Variants in PDIA5 observed in about 807,000 individuals in gnomAD.
PDIA5 encodes protein disulfide-isomerase A5.
Under a neutral mutation model 77.6 loss-of-function variants are expected in PDIA5, and 58 were observed. That is an observed-to-expected ratio of 0.75 (90% CI 0.61 to 0.93). The LOEUF is 0.93. Ranked by LOEUF, PDIA5 falls within the 40% of genes least tolerant of loss-of-function variation. The pLI, the probability that PDIA5 is intolerant of heterozygous loss-of-function variation, is 0.00. For missense variants in PDIA5, 630 were observed against 647.7 expected, an observed-to-expected ratio of 0.97 and a Z score of 0.30; for synonymous variants, 250 against 252.1, an observed-to-expected ratio of 0.99 and a Z score of 0.08.
intron 14 of PDIA5, among the ~76,000 whole-genome samples, chr3:123,153,511 A>G (rs1935958275): frequency 6.6e-6 from 1 of 152,208 alleles, no homozygotes; most frequent in Non-Finnish European, 1.5e-5. Context: ...ATTTTAGGCT[A>G]TTAAAAAATC....
intron 14 of PDIA5, among the ~76,000 whole-genome samples, chr3:123,150,700 C>T (rs1935873007): frequency 6.6e-6 from 1 of 151,870 alleles, no homozygotes. Flanking sequence ...CTCAGCTGTC[C>T]CCGCCCCCTC....
chr3:123,138,628 A>G (rs1371943906), intron 11 of PDIA5, among the ~76,000 whole-genome samples: 3 of 152,236 alleles, frequency 2.0e-5, no homozygotes, highest in African/African-American at 7.2e-5. Flanking sequence ...AAGAGGGGTC[A>G]TGTGATGAAT....
intron 13 of PDIA5, 60 bp downstream of exon 13, chr3:123,146,319 C>A: frequency 7.0e-7 from 1 of 1,422,978 alleles, no homozygotes; most frequent in Non-Finnish European, 9.8e-7. Flanking sequence ...CTGGAGACCA[C>A]CTTGAGGAGG....
chr3:123,151,288 T>C (rs1935887520), intron 14 of PDIA5, among the ~76,000 whole-genome samples: 1 of 152,250 alleles, frequency 6.6e-6, no homozygotes, highest in Non-Finnish European at 1.5e-5. Context: ...CTTCCGGCTG[T>C]CCTCTTCGGT....
chr3:123,105,656 G>A (rs189797507), intron 5 of PDIA5, among the ~76,000 whole-genome samples: 4 of 152,010 alleles, frequency 2.6e-5, no homozygotes, highest in Non-Finnish European at 4.4e-5. Flanking sequence ...GGTCCTCTCC[G>A]TGTGTGACCA....
At position 123,130,627 on chromosome 3, in the gene PDIA5, C is replaced by G. The variant is rs878956054; in HGVS notation, c.910+11C>G. On this transcript the variant is annotated intron_variant, in intron 11 of 16. Coordinates refer to ENST00000316218, the MANE Select transcript of PDIA5 (RefSeq NM_006810.4). ...TGTTCCACGCCCCATGTGAGTGGAA[C>G]TTTGCTCCTCCCCCTCCACACCCTC... The G allele has an allele frequency of 1.2e-6, 2 of 1,613,686 alleles. No individual in the cohort carries two copies. The highest frequency in any genetic ancestry group is 1.3e-5 in the African/African-American group (1 of 74,922).
intron 1 of PDIA5, among the ~76,000 whole-genome samples, chr3:123,078,786 T>C (rs150254207): frequency 1.3e-5 from 2 of 152,366 alleles, no homozygotes; most frequent in African/African-American, 4.8e-5. Flanking sequence ...TTTTGTGACC[T>C]TGACATTTTT....
At position 123,133,499 on chromosome 3, in the gene PDIA5, G is replaced by A. The variant is rs116620301; in HGVS notation, c.910+2883G>A. ...GGATTGCTGAGCTTGATGAATTAGC[G>A]TGTCTTTCTTTTATCAAGACATTTG... On this transcript the variant is annotated intron_variant, in intron 11 of 16. Transcript: ENST00000316218. Among the ~76,000 whole-genome samples, 640 of 152,330 alleles carry A rather than the reference G, an allele frequency of 4.2e-3. 7 individuals carry two copies. Among genetic ancestry groups the A allele is most frequent in the African/African-American group, 0.014 (564 of 41,570 alleles).
At chr3:123,075,814 G>A (rs1193908910) in intron 1 of PDIA5, among the ~76,000 whole-genome samples, 4 of 148,992 alleles carry the variant, frequency 2.7e-5, no homozygotes, top group African/African-American at 9.7e-5. Context: ...CCAGGAATCT[G>A]TATTCCCAGA....
At chr3:123,074,955 G>A (rs954908059) in intron 1 of PDIA5, among the ~76,000 whole-genome samples, 3 of 152,312 alleles carry the variant, frequency 2.0e-5, no homozygotes, top group African/African-American at 4.8e-5. Flanking sequence ...TCTAGGGGAT[G>A]TAACTCTGTT....
chr3:123,124,936 A>G (rs1935207122), intron 10 of PDIA5, among the ~76,000 whole-genome samples: 1 of 152,148 alleles, frequency 6.6e-6, no homozygotes, highest in Admixed American at 6.5e-5. Flanking sequence ...GCATTGCTTC[A>G]TTGCAACCTG....
chr3:123,152,111 T>TCCTTCCTTCCTGCCTG (rs1260802013), intron 14 of PDIA5, among the ~76,000 whole-genome samples: 1 of 74,538 alleles, frequency 1.3e-5, no homozygotes, highest in Non-Finnish European at 2.8e-5. Context: ...CTTCCTTCCT[T>TCCTTCCTTCCTGCCTG]CCTTCCTTCC....
chr3:123,084,271 G>C, intron 1 of PDIA5, among the ~76,000 whole-genome samples: 1 of 152,142 alleles, frequency 6.6e-6, no homozygotes, highest in African/African-American at 2.4e-5. Context: ...GTGCTGGGTA[G>C]ACTTTCTCTC....
intron 1 of PDIA5, among the ~76,000 whole-genome samples, chr3:123,070,460 A>T (rs1576428931): frequency 1.3e-5 from 2 of 152,210 alleles, no homozygotes; most frequent in South Asian, 4.1e-4. Flanking sequence ...AAGATTTTTT[A>T]AAATGTTGCT....
At chr3:123,103,352 A>G (rs572800337) in intron 5 of PDIA5, among the ~76,000 whole-genome samples, 1 of 152,352 alleles carries the variant, frequency 6.6e-6, no homozygotes, top group East Asian at 1.9e-4. Flanking sequence ...CCCAGCCCTT[A>G]GTCCTCCTGA....
chr3:123,103,246 C>A (rs141010987), intron 5 of PDIA5, among the ~76,000 whole-genome samples: 2 of 152,254 alleles, frequency 1.3e-5, no homozygotes, highest in Middle Eastern at 3.4e-3. Flanking sequence ...GAGTTCCCTG[C>A]TATCAATCCA....
At chr3:123,083,219 G>A (rs1934056783) in intron 1 of PDIA5, among the ~76,000 whole-genome samples, 2 of 151,284 alleles carry the variant, frequency 1.3e-5, no homozygotes, top group Non-Finnish European at 3.0e-5. Flanking sequence ...GGGTGGGGGA[G>A]GGGGGGTGCA....
intron 11 of PDIA5, among the ~76,000 whole-genome samples, chr3:123,141,714 C>A (rs1265205300): frequency 6.6e-6 from 1 of 152,196 alleles, no homozygotes; most frequent in Non-Finnish European, 1.5e-5. Context: ...CTGACCGTGG[C>A]CCCAAAGGAT....
In PDIA5 at chr3:123,130,635, C is replaced by T. The variant is rs1410207269; in HGVS notation, c.910+19C>T. On this transcript the variant is annotated intron_variant, in intron 11 of 16. Coordinates refer to ENST00000316218, the MANE Select transcript of PDIA5 (RefSeq NM_006810.4). ...GCCCCATGTGAGTGGAACTTTGCTC[C>T]TCCCCCTCCACACCCTCCCCTCTCT... is the stretch of plus-strand genomic sequence containing the variant. The T allele has an allele frequency of 3.7e-6, 6 of 1,613,236 alleles. No individual in the cohort carries two copies. The highest frequency in any genetic ancestry group is 3.4e-6 in the Non-Finnish European group (4 of 1,179,350).
Sources: gnomAD v4.1 joint callset for allele counts (sites outside exome capture counted in the v4.1 genomes callset) on GRCh38, gnomAD v4.1.1 for gene constraint, MANE v1.5 for transcripts, NCBI Gene and HGNC (gene_info 2026-07-23, HGNC 2026-07-21) for gene names.